OR51B5: variants seen among roughly 807,000 people sequenced by gnomAD.
OR51B5 encodes the protein olfactory receptor 51B5.
For missense variants in OR51B5, 456 were observed against 374.6 expected (o/e 1.22, Z -1.79); for synonymous variants, 186 against 144.8 (o/e 1.28, Z -2.04).
At chr11:5,440,478 TG>T (rs1451144176) in intron 1 of OR51B5, 1 of 795,750 alleles carries the variant, frequency 1.3e-6, no homozygotes, top group African/African-American at 1.7e-5. Flanking sequence ...ATCAAGATCC[TG>T]GGTCCTCTTC....
chr11:5,377,239 G>A (rs1283365634), intron 1 of OR51B5, among the ~76,000 whole-genome samples: 3 of 151,996 alleles, frequency 2.0e-5, no homozygotes, highest in Non-Finnish European at 2.9e-5. Flanking sequence ...ATGCAGAAAA[G>A]GCCTTTGACA....
intron 1 of OR51B5, chr11:5,389,973 T>C: frequency 6.2e-7 from 1 of 1,612,288 alleles, no homozygotes; most frequent in Non-Finnish European, 8.5e-7. Context: ...TCATTTTGCC[T>C]GCACCAGGAA....
At chr11:5,475,209 A>G (rs1385031127) in intron 1 of OR51B5, among the ~76,000 whole-genome samples, 2 of 152,178 alleles carry the variant, frequency 1.3e-5, no homozygotes, top group African/African-American at 4.8e-5. Flanking sequence ...ATATTACATC[A>G]ATATTAAGTC....
At chr11:5,458,299 G>T (rs754522849) in intron 1 of OR51B5, among the ~76,000 whole-genome samples, 5 of 152,024 alleles carry the variant, frequency 3.3e-5, no homozygotes, top group Non-Finnish European at 7.4e-5. Context: ...TTTGTTTCTG[G>T]TTTCTCTAAC....
intron 1 of OR51B5, among the ~76,000 whole-genome samples, chr11:5,426,387 A>T (rs1850451269): frequency 1.3e-5 from 2 of 152,188 alleles, no homozygotes; most frequent in African/African-American, 4.8e-5. Context: ...TTAAGACATT[A>T]TAGGATTACA....
At chr11:5,380,027 G>T (rs1219443792) in intron 1 of OR51B5, among the ~76,000 whole-genome samples, 1 of 151,778 alleles carries the variant, frequency 6.6e-6, no homozygotes, top group Non-Finnish European at 1.5e-5. Flanking sequence ...CAGGTACTCT[G>T]TTATAGCAAA....
At chr11:5,485,465 G>A (rs1046850419) in intron 1 of OR51B5, among the ~76,000 whole-genome samples, 8 of 152,164 alleles carry the variant, frequency 5.3e-5, no homozygotes, top group African/African-American at 1.9e-4. Flanking sequence ...TGCTTGGGCT[G>A]AGCAATGAAT....
chr11:5,460,949 C>A (rs1016112060), intron 1 of OR51B5, among the ~76,000 whole-genome samples: 2 of 152,342 alleles, frequency 1.3e-5, no homozygotes. Flanking sequence ...ACCTGTTGCA[C>A]TGGAGGGGCC....
At chr11:5,414,387 T>C (rs1438208174) in intron 1 of OR51B5, among the ~76,000 whole-genome samples, 1 of 143,966 alleles carries the variant, frequency 6.9e-6, no homozygotes. Context: ...ATGAGCAAAA[T>C]AACCAGCTAA....
chr11:5,432,260 G>A (rs1484139915), intron 1 of OR51B5, among the ~76,000 whole-genome samples: 2 of 152,026 alleles, frequency 1.3e-5, no homozygotes, highest in East Asian at 3.9e-4. Flanking sequence ...ATTTGAGCAG[G>A]AACATGCAAT....
chr11:5,351,824 C>G, intron 1 of OR51B5: 1 of 1,614,040 alleles, frequency 6.2e-7, no homozygotes, highest in South Asian at 1.1e-5. Flanking sequence ...CATACTCTTT[C>G]TGTCATGGAG....
chr11:5,368,699 A>G (rs763737029), intron 1 of OR51B5, among the ~76,000 whole-genome samples: 1 of 152,230 alleles, frequency 6.6e-6, no homozygotes, highest in Non-Finnish European at 1.5e-5. Context: ...TTATCTGTCA[A>G]GAGCAAAATT....
At chr11:5,427,701 C>T (rs1473547) in intron 1 of OR51B5, among the ~76,000 whole-genome samples, 83,867 of 151,858 alleles carry the variant, frequency 0.55, 24,150 homozygotes, top group East Asian at 0.64. Flanking sequence ...ATAGAAAATA[C>T]TGAAGCTCAA....
intron 1 of OR51B5, among the ~76,000 whole-genome samples, chr11:5,418,163 C>A (rs1850270370): frequency 6.6e-6 from 1 of 151,630 alleles, no homozygotes; most frequent in South Asian, 2.1e-4. Context: ...GAACAAAAAA[C>A]CAAACACCGC....
chr11:5,357,501 A>G (rs1369355768), intron 1 of OR51B5, among the ~76,000 whole-genome samples: 1 of 152,142 alleles, frequency 6.6e-6, no homozygotes, highest in Non-Finnish European at 1.5e-5. Flanking sequence ...CTACAAAGAG[A>G]CTTAGACTCT....
Position 5,441,658 on chromosome 11 carries a change from C to T in OR51B5, n.84+63911G>A. 4 of 655,736 alleles carry T rather than the reference C, an allele frequency of 6.1e-6. No homozygotes were observed. The South Asian group carries it at 7.8e-5, about 13-fold the overall frequency. The allele number at this position is 655,736 out of a possible 1,614,324, so 40.6% of individuals were successfully genotyped here. A position where few individuals can be genotyped will look rare whatever the true frequency, so the allele number is the denominator to read the frequency against. Reference sequence around the variant, plus strand: ...CCTGCCTTCCCAGTAAGACACTCATCTCTTTAAGGAAGCAACCGGGTTCTA... The same window carrying T: ...CCTGCCTTCCCAGTAAGACACTCATTTCTTTAAGGAAGCAACCGGGTTCTA... On this transcript the variant is annotated intron_variant and non_coding_transcript_variant, in intron 1 of 4. Transcript: ENST00000415970.
In OR51B5 at chr11:5,496,121, A is replaced by C. The variant is rs184327680; in HGVS notation, n.84+9448T>G. Among the ~76,000 whole-genome samples the C allele has an allele frequency of 7.5e-4, 113 of 150,772 alleles. 1 individual carries two copies. The highest frequency in any genetic ancestry group is 9.3e-4 in the Non-Finnish European group (63 of 67,890). On this transcript the variant is annotated intron_variant and non_coding_transcript_variant, in intron 1 of 4. Coordinates refer to the OR51B5 transcript ENST00000415970. ...AGTGATATTCAAATGTACCAGTAAA[A>C]TCCCCTCATGCTTCTTGCTTGTGTA... is the stretch of plus-strand genomic sequence containing the variant.
intron 1 of OR51B5, among the ~76,000 whole-genome samples, chr11:5,487,966 A>G (rs753589735): frequency 3.8e-4 from 58 of 152,016 alleles, no homozygotes; most frequent in Admixed American, 3.0e-3. Flanking sequence ...CAGATGATAT[A>G]TATATACAAA....
At chr11:5,425,235 A>AT (rs1850430497) in intron 1 of OR51B5, among the ~76,000 whole-genome samples, 1 of 152,100 alleles carries the variant, frequency 6.6e-6, no homozygotes, top group Non-Finnish European at 1.5e-5. Context: ...TCAAAAGAAA[A>AT]TTTTTGTCAA....
Sources: allele counts gnomAD v4.1 joint callset (sites outside exome capture counted in the v4.1 genomes callset), GRCh38; gene constraint gnomAD v4.1.1; transcripts MANE v1.5; gene names NCBI Gene and HGNC (gene_info 2026-07-23, HGNC 2026-07-21).